ZDHHC2: variants seen among roughly 807,000 people sequenced by gnomAD.
ZDHHC2 encodes zDHHC palmitoyltransferase 2.
ZDHHC2 carries 51 observed loss-of-function variants against 55.6 expected under a neutral mutation model. The observed-to-expected ratio is 0.92, with a 90% confidence interval of 0.73 to 1.16. The LOEUF is 1.16. Ranked by LOEUF, ZDHHC2 falls within the 50% of genes most tolerant of loss-of-function variation. The probability of loss-of-function intolerance (pLI) is 0.00; values close to 1 mark genes in which losing one functional copy is unlikely to be tolerated. For synonymous variants in ZDHHC2, 199 were observed against 152.9 expected (o/e 1.30, Z -2.22); for missense variants, 491 against 442.4 (o/e 1.11, Z -0.99).
intron 12 of ZDHHC2, among the ~76,000 whole-genome samples, chr8:17,219,181 C>G (rs904072983): frequency 6.9e-5 from 9 of 130,540 alleles, no homozygotes; most frequent in African/African-American, 2.6e-4. Flanking sequence ...ACCCAGAAGG[C>G]AGAGGTTGCA....
chr8:17,189,312 G>A (rs917259795), intron 3 of ZDHHC2, among the ~76,000 whole-genome samples: 5 of 151,848 alleles, frequency 3.3e-5, no homozygotes, highest in Non-Finnish European at 5.9e-5. Flanking sequence ...GGCTTTCCCT[G>A]CACCTTACCT....
chr8:17,189,094 T>C (rs1805885390), intron 3 of ZDHHC2, among the ~76,000 whole-genome samples: 1 of 147,712 alleles, frequency 6.8e-6, no homozygotes, highest in Admixed American at 6.8e-5. Context: ...CAGGTTTCTT[T>C]TTGTTGGGTT....
intron 1 of ZDHHC2, among the ~76,000 whole-genome samples, chr8:17,183,264 T>A (rs910411481): frequency 7.2e-5 from 11 of 152,220 alleles, no homozygotes; most frequent in African/African-American, 2.7e-4. Context: ...ATTGGAAATT[T>A]TGATCCAGAA....
chr8:17,214,131 C>T (rs551478334), intron 10 of ZDHHC2, among the ~76,000 whole-genome samples: 1 of 151,858 alleles, frequency 6.6e-6, no homozygotes, highest in Middle Eastern at 3.2e-3. Flanking sequence ...TATTTCAGAA[C>T]ATTATAAAAC....
intron 3 of ZDHHC2, among the ~76,000 whole-genome samples, chr8:17,193,075 G>A (rs1028183983): frequency 3.3e-5 from 5 of 152,194 alleles, no homozygotes; most frequent in Non-Finnish European, 7.3e-5. Flanking sequence ...AAACTCTGTA[G>A]TATAATTTGA....
At chr8:17,213,280 G>A (rs914933913) in intron 10 of ZDHHC2, among the ~76,000 whole-genome samples, 1 of 150,016 alleles carries the variant, frequency 6.7e-6, no homozygotes, top group Admixed American at 6.6e-5. Flanking sequence ...TTTTGAGACA[G>A]TCTCATTCTA....
chr8:17,207,341 A>C (rs1482236185), intron 7 of ZDHHC2, among the ~76,000 whole-genome samples: 1 of 152,172 alleles, frequency 6.6e-6, no homozygotes, highest in African/African-American at 2.4e-5. Context: ...GTTTTCTTTG[A>C]GATGGACTGT....
chr8:17,199,558 C>T (rs1376355477), intron 6 of ZDHHC2, among the ~76,000 whole-genome samples: 6 of 80,220 alleles, frequency 7.5e-5, no homozygotes, highest in East Asian at 3.5e-4. Context: ...TCTTCGTCTT[C>T]GTCTTCTTCG....
Position 17,185,233 on chromosome 8 carries a change from A to G in ZDHHC2, c.157+418A>G, listed in dbSNP as rs558916772. Among the ~76,000 whole-genome samples the G allele has an allele frequency of 3.3e-5, 5 of 152,352 alleles. No homozygotes were observed. In the South Asian group the frequency reaches 6.2e-4, roughly 19 times the overall value. ...TTCTTTAGAAAAATTTAAAATTGCTATTAAAGTTTTAAAATGCCAAATATG... is the reference window on the plus strand; with the variant it reads ...TTCTTTAGAAAAATTTAAAATTGCTGTTAAAGTTTTAAAATGCCAAATATG... On this transcript the variant is annotated intron_variant, in intron 2 of 12. Transcript: ENST00000262096.
In ZDHHC2 at chr8:17,199,509, T is replaced by TTCATCTTCG. The variant is rs1554466016; in HGVS notation, c.476+1098_476+1099insATCTTCGTC. ...CTTCTTCTTCTTCTTCTTCTTCTTC[T>TTCATCTTCG]TCTTCGTCTTCGTCTTCGTCTTCTG... On this transcript the variant is annotated intron_variant, in intron 6 of 12. Coordinates refer to ENST00000262096, the MANE Select transcript of ZDHHC2 (RefSeq NM_016353.5). Among the ~76,000 whole-genome samples the TTCATCTTCG allele has an allele frequency of 6.6e-5, 8 of 121,208 alleles. 1 individual carries two copies. The highest frequency in any genetic ancestry group is 2.6e-4 in the African/African-American group (7 of 27,334). The allele number at this position is 121,208 out of a possible 152,430, so 79.5% of individuals were successfully genotyped here.
chr8:17,205,797 T>G, intron 7 of ZDHHC2, 22 bp downstream of exon 7: 1 of 1,584,616 alleles, frequency 6.3e-7, no homozygotes, highest in Non-Finnish European at 8.5e-7. Context: ...ACTTGGTAAC[T>G]CTTTTTTTGG....
chr8:17,187,412 TAAAA>T (rs879557575), intron 3 of ZDHHC2, among the ~76,000 whole-genome samples: 1 of 145,852 alleles, frequency 6.9e-6, no homozygotes, highest in Non-Finnish European at 1.5e-5. Context: ...AAGCCAAGTT[TAAAA>T]AAAAAAAGCA....
At chr8:17,199,704 CCTTCTTT>C (rs1444360760) in intron 6 of ZDHHC2, among the ~76,000 whole-genome samples, 1 of 146,304 alleles carries the variant, frequency 6.8e-6, no homozygotes, top group Non-Finnish European at 1.5e-5. Context: ...TCTCCTTCTT[CCTTCTTT>C]CTTCTTCCTT....
intron 1 of ZDHHC2, among the ~76,000 whole-genome samples, chr8:17,165,443 A>G (rs1023100712): frequency 2.0e-5 from 3 of 152,210 alleles, no homozygotes; most frequent in African/African-American, 7.2e-5. Context: ...CTCCAGGACT[A>G]ATACCTGCTG....
intron 1 of ZDHHC2, among the ~76,000 whole-genome samples, chr8:17,163,102 ACT>A (rs747107775): frequency 2.6e-5 from 4 of 152,106 alleles, no homozygotes; most frequent in African/African-American, 4.8e-5. Flanking sequence ...CATGAATGCA[ACT>A]CTCTGAATCC....
chr8:17,178,157 A>C (rs1304298302), intron 1 of ZDHHC2, among the ~76,000 whole-genome samples: 4 of 152,154 alleles, frequency 2.6e-5, no homozygotes, highest in African/African-American at 9.7e-5. Context: ...AAGTTCAACT[A>C]GATTTAAGTT....
At chr8:17,218,037 C>T (rs1438002828) in intron 12 of ZDHHC2, among the ~76,000 whole-genome samples, 2 of 152,140 alleles carry the variant, frequency 1.3e-5, no homozygotes, top group African/African-American at 2.4e-5. Flanking sequence ...CATCAAAGTT[C>T]ATGGATATCT....
In ZDHHC2 at chr8:17,218,893, A is replaced by G. The variant is rs146590909; in HGVS notation, c.*35-1363A>G. Reference sequence around the variant, plus strand: ...TCCTGCTTTACATCTCAGATTTGCAATTCATTCCAGTTGTATTTATATCAA... The same window carrying G: ...TCCTGCTTTACATCTCAGATTTGCAGTTCATTCCAGTTGTATTTATATCAA... On this transcript the variant is annotated intron_variant, in intron 12 of 12. Coordinates refer to ENST00000262096, the MANE Select transcript of ZDHHC2 (RefSeq NM_016353.5). Among the ~76,000 whole-genome samples, 61 of 152,312 alleles carry G rather than the reference A, an allele frequency of 4.0e-4. No homozygotes were observed. The East Asian group carries it at 8.3e-3, about 21-fold the overall frequency.
At chr8:17,214,191 A>G (rs1279304122) in intron 10 of ZDHHC2, among the ~76,000 whole-genome samples, 7 of 152,280 alleles carry the variant, frequency 4.6e-5, no homozygotes, top group Non-Finnish European at 8.8e-5. Context: ...AAATATTTTT[A>G]TGTATACTTT....
Sources: gnomAD v4.1 joint callset for allele counts (sites outside exome capture counted in the v4.1 genomes callset) on GRCh38, gnomAD v4.1.1 for gene constraint, MANE v1.5 for transcripts, NCBI Gene and HGNC (gene_info 2026-07-23, HGNC 2026-07-21) for gene names.